MAGI2: variants seen among roughly 807,000 people sequenced by gnomAD.
MAGI2 encodes the protein membrane associated guanylate kinase, WW and PDZ domain containing 2, also known as membrane-associated guanylate kinase, WW and PDZ domain-containing protein 2.
In MAGI2, 35 loss-of-function variants were observed where a neutral mutation model predicts 133.3. The observed-to-expected ratio is 0.26, with a 90% CI of 0.20 to 0.35. The LOEUF (loss-of-function observed/expected upper bound fraction) is 0.35. Among genes scored for constraint, MAGI2 ranks in the 10% least tolerant of loss-of-function variants. The pLI, the probability that MAGI2 is intolerant of heterozygous loss-of-function variation, is 1.00. For synonymous variants in MAGI2, 729 were observed against 710.6 expected, an observed-to-expected ratio of 1.03 and a Z score of -0.41; for missense variants, 1,636 against 1,863.4, an observed-to-expected ratio of 0.88 and a Z score of 2.25.
intron 1 of MAGI2, among the ~76,000 whole-genome samples, chr7:79,284,879 C>T (rs916327249): frequency 6.6e-6 from 1 of 152,050 alleles, no homozygotes; most frequent in Non-Finnish European, 1.5e-5. Context: ...ACTTTAGTAT[C>T]TGCACTTCGG....
At chr7:79,438,003 C>T (rs1225286636) in intron 1 of MAGI2, among the ~76,000 whole-genome samples, 1 of 152,102 alleles carries the variant, frequency 6.6e-6, no homozygotes, top group African/African-American at 2.4e-5. Context: ...TATGTGCAGG[C>T]ATGTTAAATA....
At chr7:79,359,912 A>T (rs1842276385) in intron 1 of MAGI2, among the ~76,000 whole-genome samples, 1 of 152,200 alleles carries the variant, frequency 6.6e-6, no homozygotes, top group Non-Finnish European at 1.5e-5. Flanking sequence ...TTTTATATAA[A>T]CATGCTCTTT....
intron 3 of MAGI2, chr7:78,554,629 C>A (rs59030687): frequency 1.3e-5 from 2 of 151,948 alleles, no homozygotes; most frequent in Admixed American, 1.3e-4. Context: ...TCTAACCTTC[C>A]CCTGAAGCAG....
chr7:78,787,435 T>C (rs1826929713), intron 2 of MAGI2, among the ~76,000 whole-genome samples: 1 of 151,882 alleles, frequency 6.6e-6, no homozygotes. Context: ...GAAAATAGAG[T>C]CACAAGAGCA....
At chr7:79,436,067 GT>G (rs1313684806) in intron 1 of MAGI2, among the ~76,000 whole-genome samples, 1 of 151,926 alleles carries the variant, frequency 6.6e-6, no homozygotes, top group Non-Finnish European at 1.5e-5. Flanking sequence ...CTATCCATAC[GT>G]GATAGAATGA....
intron 1 of MAGI2, among the ~76,000 whole-genome samples, chr7:79,308,315 C>T (rs1837984128): frequency 1.3e-5 from 2 of 152,156 alleles, no homozygotes; most frequent in Admixed American, 6.6e-5. Context: ...TCTCTGAACA[C>T]CAACATGCGT....
At chr7:79,235,417 C>A (rs1473140448) in intron 1 of MAGI2, among the ~76,000 whole-genome samples, 1 of 152,192 alleles carries the variant, frequency 6.6e-6, no homozygotes, top group East Asian at 1.9e-4. Context: ...GCAGTTTGAT[C>A]TCAGACTGCT....
chr7:78,832,644 A>AG (rs1167607349), intron 2 of MAGI2, among the ~76,000 whole-genome samples: 5 of 152,170 alleles, frequency 3.3e-5, no homozygotes, highest in Non-Finnish European at 5.9e-5. Context: ...TCATGATACA[A>AG]GGGGGAACTA....
chr7:79,135,763 A>T (rs2129545665), intron 1 of MAGI2, among the ~76,000 whole-genome samples: 1 of 151,888 alleles, frequency 6.6e-6, no homozygotes, highest in East Asian at 1.9e-4. Context: ...CAACATAGCA[A>T]TACTCTGTCT....
chr7:78,482,596 T>C (rs955910285), intron 6 of MAGI2, among the ~76,000 whole-genome samples: 3 of 151,930 alleles, frequency 2.0e-5, no homozygotes, highest in Non-Finnish European at 4.4e-5. Context: ...AAACTATTGA[T>C]ACACACACTA....
In MAGI2 at chr7:78,499,390, T is replaced by C. The variant is rs960858884; in HGVS notation, c.965+2187A>G. On this transcript the variant is annotated intron_variant, in intron 5 of 21. Transcript: ENST00000354212. ...CAAAATTCAGAAATTGTTGACCAAG[T>C]GTTTATAACTATTTGTCTCTCTTCC... Among the ~76,000 whole-genome samples, 4 of 152,214 alleles carry C rather than the reference T, an allele frequency of 2.6e-5. 1 individual carries two copies. In the South Asian group the frequency reaches 8.3e-4, roughly 31 times the overall value.
intron 6 of MAGI2, among the ~76,000 whole-genome samples, chr7:78,488,386 G>C (rs1193555928): frequency 1.3e-5 from 2 of 151,978 alleles, no homozygotes; most frequent in Non-Finnish European, 2.9e-5. Context: ...ACAACTCAAA[G>C]GTGCAAGACA....
At chr7:79,408,998 A>C (rs921600968) in intron 1 of MAGI2, among the ~76,000 whole-genome samples, 2 of 152,192 alleles carry the variant, frequency 1.3e-5, no homozygotes, top group African/African-American at 4.8e-5. Context: ...CTTGCCTCAT[A>C]GATGGAACTT....
At chr7:79,356,140 A>G (rs983027403) in intron 1 of MAGI2, among the ~76,000 whole-genome samples, 3 of 152,194 alleles carry the variant, frequency 2.0e-5, no homozygotes, top group African/African-American at 7.2e-5. Context: ...TACAATAATA[A>G]TATGTGAAAT....
chr7:78,297,627 C>T (rs1470568933), intron 9 of MAGI2, among the ~76,000 whole-genome samples: 1 of 151,536 alleles, frequency 6.6e-6, no homozygotes, highest in Non-Finnish European at 1.5e-5. Context: ...GGCACATATG[C>T]ACCATGGAAT....
At chr7:78,618,768 C>T (rs1003313212) in intron 3 of MAGI2, 1 of 151,474 alleles carries the variant, frequency 6.6e-6, no homozygotes, top group Non-Finnish European at 1.5e-5. Flanking sequence ...AAGCCAGGCA[C>T]AGAGAGACAA....
chr7:78,968,366 G>T (rs1360813860), intron 2 of MAGI2, among the ~76,000 whole-genome samples: 4 of 150,950 alleles, frequency 2.6e-5, no homozygotes, highest in Non-Finnish European at 5.9e-5. Flanking sequence ...TCAGTATTAG[G>T]TCTTCTAATC....
intron 2 of MAGI2, among the ~76,000 whole-genome samples, chr7:78,921,319 G>A (rs959056571): frequency 6.6e-6 from 1 of 152,084 alleles, no homozygotes; most frequent in African/African-American, 2.4e-5. Flanking sequence ...GTAAAAAATG[G>A]CTTCTTGACT....
chr7:79,151,896 A>G (rs1823283193), intron 1 of MAGI2, among the ~76,000 whole-genome samples: 1 of 70,464 alleles, frequency 1.4e-5, no homozygotes, highest in South Asian at 3.2e-4. Context: ...AGGTGTCTAA[A>G]GTCCAGAAAT....
Sources: allele counts gnomAD v4.1 joint callset (sites outside exome capture counted in the v4.1 genomes callset), GRCh38; gene constraint gnomAD v4.1.1; transcripts MANE v1.5; gene names NCBI Gene and HGNC (gene_info 2026-07-23, HGNC 2026-07-21).